BARX2: variants seen among roughly 807,000 people sequenced by gnomAD.
BARX2 encodes the protein BARX homeobox 2.
A neutral mutation model predicts 25.5 loss-of-function variants in BARX2; 11 were observed. The ratio of observed to expected loss-of-function variants is 0.43; its 90% CI spans 0.27 to 0.71. BARX2 has a LOEUF of 0.71. BARX2 is among the 30% of genes least tolerant of loss of function. The probability of loss-of-function intolerance (pLI) is 0.19; values close to 1 mark genes in which losing one functional copy is unlikely to be tolerated. For synonymous variants in BARX2, 137 were observed against 149.5 expected (o/e 0.92, Z 0.61); for missense variants, 360 against 359.9 (o/e 1.00, Z 0.00).
intron 2 of BARX2, among the ~76,000 whole-genome samples, chr11:129,441,035 G>A (rs1862251247): frequency 6.6e-6 from 1 of 152,208 alleles, no homozygotes; most frequent in Non-Finnish European, 1.5e-5. Flanking sequence ...GGCTTAAGGA[G>A]GTGGCTCTCC....
At chr11:129,377,729 G>A (rs1861518707) in intron 1 of BARX2, among the ~76,000 whole-genome samples, 1 of 152,198 alleles carries the variant, frequency 6.6e-6, no homozygotes, top group Non-Finnish European at 1.5e-5. Context: ...AGGAAAAAGA[G>A]AGGATCTGTT....
chr11:129,375,644 G>A (rs1025492970), upstream of BARX2, among the ~76,000 whole-genome samples: 2 of 152,160 alleles, frequency 1.3e-5, no homozygotes, highest in African/African-American at 2.4e-5. This position sits in a 1 kb window ranked among gnomAD's most constrained non-coding sequence, Gnocchi z 4.0. Flanking sequence ...GCCAGGCAGA[G>A]GAGCGCGAGA....
At chr11:129,447,435 G>T (rs565855840) in intron 3 of BARX2, among the ~76,000 whole-genome samples, 39 of 152,254 alleles carry the variant, frequency 2.6e-4, no homozygotes, top group Admixed American at 1.2e-3. Flanking sequence ...GGACCAACGG[G>T]ACTAAACTGG....
At chr11:129,437,171 C>A in intron 2 of BARX2, 120 bp downstream of exon 2, 1 of 1,142,480 alleles carries the variant, frequency 8.8e-7, no homozygotes, top group Non-Finnish European at 1.2e-6. Flanking sequence ...ATGGCGGAGT[C>A]CACTCCTTGG....
chr11:129,385,291 C>T (rs1325365529), intron 1 of BARX2, among the ~76,000 whole-genome samples: 1 of 152,130 alleles, frequency 6.6e-6, no homozygotes, highest in Non-Finnish European at 1.5e-5. Flanking sequence ...CAGTTCCACT[C>T]CTGGGTATGT....
At chr11:129,399,103 G>T (rs1268454666) in intron 1 of BARX2, among the ~76,000 whole-genome samples, 1 of 152,160 alleles carries the variant, frequency 6.6e-6, no homozygotes, top group African/African-American at 2.4e-5. Context: ...CTATATGATG[G>T]TCCCCTGGGT....
intron 1 of BARX2, among the ~76,000 whole-genome samples, chr11:129,380,720 C>T (rs1270104238): frequency 6.6e-6 from 1 of 151,982 alleles, no homozygotes; most frequent in Non-Finnish European, 1.5e-5. Context: ...CATCCAGGGT[C>T]AGTATATATT....
intron 1 of BARX2, among the ~76,000 whole-genome samples, chr11:129,383,981 C>T (rs890520656): frequency 6.6e-6 from 1 of 152,120 alleles, no homozygotes; most frequent in African/African-American, 2.4e-5. Context: ...TCAAGTGATT[C>T]TCCTGCCGCA....
chr11:129,442,558 G>A (rs1343741132), intron 2 of BARX2, among the ~76,000 whole-genome samples: 1 of 152,194 alleles, frequency 6.6e-6, no homozygotes, highest in Non-Finnish European at 1.5e-5. Flanking sequence ...GAAGCCCCAG[G>A]CATCCTTCTC....
intron 1 of BARX2, among the ~76,000 whole-genome samples, chr11:129,416,084 GTTCTCT>G: frequency 6.6e-6 from 1 of 152,316 alleles, no homozygotes; most frequent in African/African-American, 2.4e-5. Context: ...TGGGCTGGCT[GTTCTCT>G]GTGTGGGCAC....
At chr11:129,428,177 G>GTGTTTAAACA (rs1344305687) in intron 1 of BARX2, among the ~76,000 whole-genome samples, 1 of 152,180 alleles carries the variant, frequency 6.6e-6, no homozygotes, top group Non-Finnish European at 1.5e-5. Context: ...AACTAAAACT[G>GTGTTTAAACA]TGTGTTTAAA....
chr11:129,430,253 A>G (rs1267350139), intron 1 of BARX2, among the ~76,000 whole-genome samples: 2 of 152,006 alleles, frequency 1.3e-5, no homozygotes, highest in African/African-American at 2.4e-5. Flanking sequence ...ACTAGTCAAT[A>G]TATGGTGTTA....
chr11:129,379,260 T>G (rs918025902), intron 1 of BARX2, among the ~76,000 whole-genome samples: 1 of 152,198 alleles, frequency 6.6e-6, no homozygotes, highest in Non-Finnish European at 1.5e-5. Context: ...CCCAAAAGAA[T>G]GCCTCCATTT....
At chr11:129,418,155 T>A (rs1861964650) in intron 1 of BARX2, among the ~76,000 whole-genome samples, 1 of 152,198 alleles carries the variant, frequency 6.6e-6, no homozygotes, top group Admixed American at 6.5e-5. Context: ...GTAAATTGAC[T>A]AATCAGGGGA....
At chr11:129,451,044 G>T in intron 3 of BARX2, 92 bp from the exon 4 acceptor site, 1 of 1,471,966 alleles carries the variant, frequency 6.8e-7, no homozygotes, top group Non-Finnish European at 9.2e-7. Flanking sequence ...TGGAACAGAT[G>T]GTTTAGATGC....
chr11:129,387,404 GA>G (rs959249619), intron 1 of BARX2, among the ~76,000 whole-genome samples: 2 of 152,156 alleles, frequency 1.3e-5, no homozygotes, highest in Non-Finnish European at 2.9e-5. Context: ...AACTACTTAG[GA>G]AAAGACAAGC....
chr11:129,450,170 T>G (rs1862379623), intron 3 of BARX2, among the ~76,000 whole-genome samples: 1 of 152,272 alleles, frequency 6.6e-6, no homozygotes, highest in African/African-American at 2.4e-5. Context: ...TTTAACCCAG[T>G]TTTTCTACTA....
chr11:129,441,719 G>A (rs1862262852), intron 2 of BARX2, among the ~76,000 whole-genome samples: 1 of 152,146 alleles, frequency 6.6e-6, no homozygotes. Context: ...CAAAGTGCTG[G>A]GATTACAGGC....
At chr11:129,386,690 G>A (rs561752264) in intron 1 of BARX2, among the ~76,000 whole-genome samples, 1 of 152,284 alleles carries the variant, frequency 6.6e-6, no homozygotes, top group African/African-American at 2.4e-5. Flanking sequence ...CAACACCAAA[G>A]ACGTTTTTCT....
Sources: gnomAD v4.1 joint callset for allele counts (sites outside exome capture counted in the v4.1 genomes callset) on GRCh38, gnomAD v4.1.1 for gene constraint, Gnocchi (gnomAD v3.1) non-coding constraint, MANE v1.5 for transcripts, NCBI Gene and HGNC (gene_info 2026-07-23, HGNC 2026-07-21) for gene names.